The following GUF1 variants were observed in gnomAD, a reference collection of about 807,000 sequenced individuals.
The protein encoded by GUF1 is GTP binding elongation factor GUF1, also known as translation factor GUF1, mitochondrial.
GUF1 carries 78 observed loss-of-function variants against 82.4 expected under a neutral mutation model. The ratio of observed to expected loss-of-function variants is 0.95; its 90% confidence interval spans 0.79 to 1.14. The LOEUF is 1.14. GUF1 is among the 50% of genes most tolerant of loss of function. The pLI is 0.00. For synonymous variants in GUF1, 279 were observed against 282.3 expected, an observed-to-expected ratio of 0.99 and a Z score of 0.12; for missense variants, 814 against 798.2, an observed-to-expected ratio of 1.02 and a Z score of -0.24.
At position 44,680,842 on chromosome 4, in the gene GUF1, G is replaced by A. The variant is rs909830004; in HGVS notation, c.426G>A (p.Pro142=). 11 of 1,599,688 alleles carry A rather than the reference G, an allele frequency of 6.9e-6. No individual in the cohort carries two copies. The highest frequency in any genetic ancestry group is 4.5e-5 in the East Asian group (2 of 44,732). The part of the protein sequence containing the change: ...KQYLLNLIDT[P]GHVDFSYEVS... ...ACCTTTTAAATCTCATTGATACACCGGTAAGTTTAATATTAATTTTGCATG... is the reference window on the plus strand; with the variant it reads ...ACCTTTTAAATCTCATTGATACACCAGTAAGTTTAATATTAATTTTGCATG... Residue 142 remains proline, a splice_region_variant and synonymous_variant, in exon 3 of 17, where the codon CCG becomes CCA. Coordinates refer to ENST00000281543, the MANE Select transcript of GUF1 (RefSeq NM_021927.3).
Position 44,700,355 on chromosome 4 carries a change from C to T in GUF1, c.*1674C>T, listed in dbSNP as rs1282821053. On this transcript the variant is annotated 3_prime_UTR_variant, in exon 17 of 17. Transcript: ENST00000281543. ...ATTGCTTTCTCTGTTTCATGTTTCACTAAGCCAGATTAAGGTATAACTGAC... is the reference window on the plus strand; with the variant it reads ...ATTGCTTTCTCTGTTTCATGTTTCATTAAGCCAGATTAAGGTATAACTGAC... 6.6e-6 allele frequency: 1 copy of T among 152,164 alleles called. No individual in the cohort carries two copies. Among genetic ancestry groups the T allele is most frequent in the Non-Finnish European group, 1.5e-5 (1 of 68,028 alleles). The allele number at this position is 152,164 out of a possible 1,614,324, so 9.4% of individuals were successfully genotyped here. A position where few individuals can be genotyped will look rare whatever the true frequency, so the allele number is the denominator to read the frequency against.
At chr4:44,679,305 G>T (rs1035654187) in intron 1 of GUF1, among the ~76,000 whole-genome samples, 5 of 152,156 alleles carry the variant, frequency 3.3e-5, no homozygotes, top group African/African-American at 1.2e-4. Flanking sequence ...GAAGTTCTCG[G>T]TCTGTCTTTG....
chr4:44,686,256 A>G (rs966336951), intron 7 of GUF1, among the ~76,000 whole-genome samples: 1 of 152,090 alleles, frequency 6.6e-6, no homozygotes, highest in Non-Finnish European at 1.5e-5. Context: ...TTTCATGACA[A>G]TCATTATAAA....
In GUF1 at chr4:44,686,018, C is replaced by A; in HGVS notation, c.729C>A (p.Ile243=). The A allele has an allele frequency of 1.3e-6, 2 of 1,598,240 alleles. No homozygotes were observed. The highest frequency in any genetic ancestry group is 1.1e-5 in the South Asian group (1 of 90,704). ...ESVLQAIIER[I]PPPKVHRKNP... ...TTCTTCAGGCAATTATTGAAAGAATCCCCCCGTGAGTATTTGGTGATTTTT... is the reference window on the plus strand; with the variant it reads ...TTCTTCAGGCAATTATTGAAAGAATACCCCCGTGAGTATTTGGTGATTTTT... The change falls in exon 7 of 17, where the codon ATC becomes ATA. Residue 243 remains isoleucine (I), a synonymous_variant. Coordinates refer to ENST00000281543, the MANE Select transcript of GUF1 (RefSeq NM_021927.3).
intron 13 of GUF1, chr4:44,694,204 C>T (rs1036498008): frequency 1.4e-5 from 7 of 484,834 alleles, no homozygotes; most frequent in African/African-American, 1.2e-4. Flanking sequence ...AAACATATTC[C>T]CCTTGCTTTT....
In GUF1 at chr4:44,698,824, T is replaced by C. The variant is rs1716025936; in HGVS notation, c.*143T>C. On this transcript the variant is annotated 3_prime_UTR_variant, in exon 17 of 17. Transcript: ENST00000281543. ...TCGTTGAAAGGGAGTAGTTAGTGGG[T>C]AGGCAAGAGCTTAGATTTTGAAGCC... 1.5e-6 allele frequency: 1 copy of C among 676,624 alleles called. No homozygotes were observed. Among genetic ancestry groups the C allele is most frequent in the African/African-American group, 1.8e-5 (1 of 54,470 alleles). 41.9% of individuals were successfully genotyped at this position (676,624 alleles called of 1,614,324 possible).
rs1349160833 is a variant in GUF1 at position 44,689,320 on chromosome 4, T to C, written c.1113T>C (p.Asn371=). 1 of 1,609,770 alleles carries C rather than the reference T, an allele frequency of 6.2e-7. No individual in the cohort carries two copies. Among genetic ancestry groups the C allele is most frequent in the Admixed American group, 1.7e-5 (1 of 59,698 alleles). ...MYPLDQSEYN[N]LKSAIEKLTL... ...CTCTAGACCAATCTGAATATAACAA[T>C]CTGAAGAGTGCTATAGAAAAACTGA... The change falls in exon 10 of 17, where the codon AAT becomes AAC. Residue 371 remains asparagine (N), a synonymous_variant. Transcript: ENST00000281543.
At chr4:44,693,976 A>AT (rs2109663037) in intron 13 of GUF1, 1 of 166,450 alleles carries the variant, frequency 6.0e-6, no homozygotes, top group South Asian at 1.6e-4. Context: ...TATTAATGGC[A>AT]TTTTATGAGT....
At chr4:44,685,814 C>T (rs1715012239) in intron 6 of GUF1, 145 bp from the exon 7 acceptor site, 2 of 565,542 alleles carry the variant, frequency 3.5e-6, no homozygotes, top group Non-Finnish European at 6.3e-6. Context: ...ATACTGTTTG[C>T]TTTGTTCTTT....
intron 16 of GUF1, 44 bp downstream of exon 16, chr4:44,697,488 G>T: frequency 1.8e-6 from 2 of 1,097,846 alleles, no homozygotes; most frequent in Non-Finnish European, 1.3e-6. Context: ...ACTTTTATGG[G>T]CTTTAAATCA....
Position 44,680,474 on chromosome 4 carries a change from A to G in GUF1, c.199A>G (p.Asn67Asp). The change falls in exon 2 of 17, where the codon AAT (asparagine) becomes GAT (aspartate). Residue 67 changes from asparagine to aspartate, a missense_variant. By Grantham distance (23) the Asn-to-Asp change is conservative. Coordinates refer to ENST00000281543, the MANE Select transcript of GUF1 (RefSeq NM_021927.3). ...KLDMSRFPVE[N>D]IRNFSIVAHV... is the part of the protein sequence containing the mutation. Reference sequence around the variant, plus strand: ...TGACATGTCTAGGTTTCCTGTTGAAAATATTAGAAATTTCAGTATTGTTGC... The same window carrying G: ...TGACATGTCTAGGTTTCCTGTTGAAGATATTAGAAATTTCAGTATTGTTGC... The G allele has an allele frequency of 6.2e-7, 1 of 1,606,768 alleles. No individual in the cohort carries two copies. The highest frequency in any genetic ancestry group is 8.5e-7 in the Non-Finnish European group (1 of 1,175,624).
In GUF1 at chr4:44,678,763, G is replaced by A. The variant is rs746251295; in HGVS notation, c.141G>A (p.Arg47=). 2 of 1,552,836 alleles carry A rather than the reference G, an allele frequency of 1.3e-6. No individual in the cohort carries two copies. The highest frequency in any genetic ancestry group is 2.1e-5 in the Admixed American group (1 of 48,182). The part of the protein sequence containing the change: ...GAAPESWATD[R]LYSSAEFKEK... ...CTCCAGAGTCCTGGGCTACCGACAG[G>A]CTCTACAGCTCCGCAGAATTCAAGG... Residue 47 remains arginine, a synonymous_variant, in exon 1 of 17, where the codon AGG becomes AGA. Coordinates refer to ENST00000281543, the MANE Select transcript of GUF1 (RefSeq NM_021927.3).
chr4:44,683,111 A>G (rs1714859434), intron 5 of GUF1, 124 bp from the exon 6 acceptor site: 2 of 533,798 alleles, frequency 3.7e-6, no homozygotes, highest in Non-Finnish European at 6.5e-6. Flanking sequence ...CTGCTTTTGA[A>G]AAAATATTGT....
rs373184028 is a variant in GUF1 at position 44,695,405 on chromosome 4, ATGT to A, written c.1716-206_1716-204del. Among the ~76,000 whole-genome samples the A allele has an allele frequency of 4.6e-5, 7 of 152,350 alleles. No individual in the cohort carries two copies. The East Asian group carries it at 5.8e-4, about 13-fold the overall frequency. Reference sequence around the variant, plus strand: ...AATCAAGAACAGTTTCTATTGTCTAATGTTGTATTTCTAAATATTCTGTAATCA... The same window carrying A: ...AATCAAGAACAGTTTCTATTGTCTAATGTATTTCTAAATATTCTGTAATCA... On this transcript the variant is annotated intron_variant, in intron 14 of 16. Transcript: ENST00000281543.
In GUF1 at chr4:44,691,730, TCTTTC is replaced by T; in HGVS notation, c.1549_1553del (p.Pro517GlufsTer2). On this transcript the variant is annotated frameshift_variant, in exon 13 of 17. Transcript: ENST00000281543. LOFTEE classifies it high-confidence loss of function. ...CAAAATAGAGTTATGCTTAAATATCTCTTTCCTTTGAATGAAATTGTGGTAGATTT... is the reference window on the plus strand; with the variant it reads ...CAAAATAGAGTTATGCTTAAATATCTCTTTGAATGAAATTGTGGTAGATTT... 6.3e-7 allele frequency: 1 copy of T among 1,583,778 alleles called. No homozygotes were observed. Among genetic ancestry groups the T allele is most frequent in the Non-Finnish European group, 8.6e-7 (1 of 1,156,292 alleles).
intron 6 of GUF1, among the ~76,000 whole-genome samples, chr4:44,683,640 C>T (rs1714892352): frequency 6.6e-6 from 1 of 152,068 alleles, no homozygotes; most frequent in Admixed American, 6.6e-5. Flanking sequence ...TCTTGTGTGT[C>T]AGTTTGCCCA....
chr4:44,678,678 C>A lies in GUF1; in HGVS notation c.56C>A (p.Ala19Asp). 6.7e-7 allele frequency: 1 copy of A among 1,499,850 alleles called. No homozygotes were observed. The highest frequency in any genetic ancestry group is 8.8e-7 in the Non-Finnish European group (1 of 1,138,456). The allele number at this position is 1,499,850 out of a possible 1,614,324, so 92.9% of individuals were successfully genotyped here. ...WGCARALAPRATGAALLVAPG... is the reference protein window; with the variant it reads ...WGCARALAPRDTGAALLVAPG... The stretch of plus-strand genomic sequence containing the variant: ...TGCGCACGCGCTCTCGCGCCACGAG[C>A]CACTGGGGCCGCGCTTCTGGTGGCC... The change falls in exon 1 of 17, where the codon GCC becomes GAC. Residue 19 changes from alanine to aspartate, a missense_variant. Ala to Asp is a moderately radical substitution (Grantham distance 126). Transcript: ENST00000281543.
At chr4:44,685,655 C>T (rs1039155974) in intron 6 of GUF1, among the ~76,000 whole-genome samples, 2 of 152,020 alleles carry the variant, frequency 1.3e-5, no homozygotes, top group African/African-American at 4.8e-5. Context: ...GAGATAGATA[C>T]TGGTGAAATA....
In GUF1 at chr4:44,691,808, AT is replaced by A; in HGVS notation, c.1613+10del. The A allele has an allele frequency of 6.4e-7, 1 of 1,574,464 alleles. No individual in the cohort carries two copies. The highest frequency in any genetic ancestry group is 8.6e-7 in the Non-Finnish European group (1 of 1,163,862). On this transcript the variant is annotated intron_variant, in intron 13 of 16. Transcript: ENST00000281543. ...TCTTCTGGATATGCTAGGTAAAAAA[AT>A]AATGAGAACCTAAGATGCCTGACCA...
Sources: gnomAD v4.1 joint callset for allele counts (sites outside exome capture counted in the v4.1 genomes callset) on GRCh38, gnomAD v4.1.1 for gene constraint, MANE v1.5 for transcripts, NCBI Gene and HGNC (gene_info 2026-07-23, HGNC 2026-07-21) for gene names.